Variants in PDE12 observed in about 807,000 individuals in gnomAD.
PDE12 encodes the protein 2',5'-phosphodiesterase 12.
A neutral mutation model predicts 45.4 loss-of-function variants in PDE12; 26 were observed. The observed-to-expected ratio is 0.57, with a 90% confidence interval of 0.42 to 0.79. The LOEUF is 0.79. PDE12 is among the 30% of genes least tolerant of loss of function. PDE12 has a pLI of 0.00. For synonymous variants in PDE12, 283 were observed against 323.9 expected, an observed-to-expected ratio of 0.87 and a Z score of 1.36; for missense variants, 668 against 790.0, an observed-to-expected ratio of 0.85 and a Z score of 1.85.
chr3:57,631,718 T>G, the PDE12 span, among the ~76,000 whole-genome samples: 2 of 68,570 alleles, frequency 2.9e-5, no homozygotes, highest in African/African-American at 8.2e-5. Flanking sequence ...TCTGCTCTCT[T>G]TTTTTTTTTT....
the PDE12 span, among the ~76,000 whole-genome samples, chr3:57,575,087 TG>T: frequency 6.6e-6 from 1 of 151,008 alleles, no homozygotes; most frequent in Non-Finnish European, 1.5e-5. Context: ...CGACCTCAGA[TG>T]ATCTGCTCAC....
chr3:57,575,391 T>C, the PDE12 span, among the ~76,000 whole-genome samples: 1 of 151,696 alleles, frequency 6.6e-6, no homozygotes, highest in Non-Finnish European at 1.5e-5. Flanking sequence ...AAAAATCAAA[T>C]AAGGTATTTA....
At chr3:57,624,173 C>T in the PDE12 span, among the ~76,000 whole-genome samples, 13 of 149,862 alleles carry the variant, frequency 8.7e-5, 1 homozygote, top group South Asian at 2.1e-3. Flanking sequence ...TTTTTTGAGG[C>T]GGAGTCTCGC....
chr3:57,626,445 C>G, the PDE12 span: 1 of 152,230 alleles, frequency 6.6e-6, no homozygotes, highest in African/African-American at 2.4e-5. Context: ...TGCGGTGGCT[C>G]ACACCTGTAA....
At chr3:57,577,470 A>G in the PDE12 span, 3 of 1,007,290 alleles carry the variant, frequency 3.0e-6, no homozygotes, top group Non-Finnish European at 4.6e-6. Flanking sequence ...AATGGTACCA[A>G]TGGTTAGACA....
the PDE12 span, among the ~76,000 whole-genome samples, chr3:57,612,698 G>C: frequency 6.7e-6 from 1 of 150,148 alleles, no homozygotes; most frequent in East Asian, 2.0e-4. Context: ...TTGAACCGGG[G>C]AAGTGGAGGT....
the PDE12 span, chr3:57,597,290 G>C: frequency 1.4e-6 from 1 of 703,900 alleles, no homozygotes; most frequent in Non-Finnish European, 2.4e-6. Context: ...AGTGGCCCCT[G>C]TGCCGATGAA....
At chr3:57,617,968 T>C in the PDE12 span, among the ~76,000 whole-genome samples, 2 of 151,338 alleles carry the variant, frequency 1.3e-5, no homozygotes, top group African/African-American at 2.4e-5. Context: ...AAGAACAAAA[T>C]CGAGTCCTTC....
chr3:57,645,390 G>C, the PDE12 span, among the ~76,000 whole-genome samples: 2 of 152,152 alleles, frequency 1.3e-5, no homozygotes, highest in Non-Finnish European at 2.9e-5. Flanking sequence ...GAACCCAGGA[G>C]GCAGAGGTTG....
At chr3:57,656,136 A>C in the PDE12 span, among the ~76,000 whole-genome samples, 1 of 152,242 alleles carries the variant, frequency 6.6e-6, no homozygotes, top group African/African-American at 2.4e-5. Flanking sequence ...CCAAAGATCT[A>C]GAATAGTTCC....
chr3:57,650,451 T>TACACAC, the PDE12 span, among the ~76,000 whole-genome samples: 1 of 142,472 alleles, frequency 7.0e-6, no homozygotes, highest in Non-Finnish European at 1.5e-5. Flanking sequence ...CACACATACA[T>TACACAC]ACACACACAC....
the PDE12 span, among the ~76,000 whole-genome samples, chr3:57,653,866 T>C: frequency 6.6e-6 from 1 of 150,694 alleles, no homozygotes; most frequent in Non-Finnish European, 1.5e-5. Context: ...ATATTCCCAT[T>C]CTGGCGTATC....
downstream of PDE12, among the ~76,000 whole-genome samples, chr3:57,570,166 C>T (rs1000990449): frequency 4.6e-5 from 7 of 150,974 alleles, no homozygotes; most frequent in Middle Eastern, 3.5e-3. Flanking sequence ...TAAACATACA[C>T]TTTGCCCTAC....
chr3:57,613,431 T>A, the PDE12 span, among the ~76,000 whole-genome samples: 2 of 151,264 alleles, frequency 1.3e-5, no homozygotes, highest in African/African-American at 4.9e-5. Flanking sequence ...GTAGCTGCGA[T>A]TACAAGCGCC....
the PDE12 span, among the ~76,000 whole-genome samples, chr3:57,585,845 A>T: frequency 2.6e-5 from 4 of 152,060 alleles, no homozygotes; most frequent in African/African-American, 9.7e-5. Context: ...TATTTTTAGT[A>T]GAGACGGGGT....
At chr3:57,645,337 T>G in the PDE12 span, among the ~76,000 whole-genome samples, 1 of 152,118 alleles carries the variant, frequency 6.6e-6, no homozygotes, top group African/African-American at 2.4e-5. Context: ...GGCGCATGCC[T>G]GTAATCCCAG....
the PDE12 span, among the ~76,000 whole-genome samples, chr3:57,643,851 A>T: frequency 6.6e-6 from 1 of 151,040 alleles, no homozygotes; most frequent in East Asian, 2.0e-4. Flanking sequence ...AACTGTACAG[A>T]AATAATTATC....
Position 57,558,091 on chromosome 3 carries a change from T to A in PDE12, c.1308+404T>A, listed in dbSNP as rs187415000. 7.4e-4 allele frequency among the ~76,000 whole-genome samples: 113 copies of A among 152,348 alleles called. 2 individuals carry two copies. The highest frequency in any genetic ancestry group is 2.6e-3 in the African/African-American group (108 of 41,580). The stretch of plus-strand genomic sequence containing the variant: ...TCCATAAATATAAACTAGTTTTTTT[T>A]AAATCATAGGCTCATTGAATCTTCA... On this transcript the variant is annotated intron_variant, in intron 1 of 2. Transcript: ENST00000311180.
At chr3:57,630,217 C>T in the PDE12 span, 3 of 477,180 alleles carry the variant, frequency 6.3e-6, no homozygotes, top group African/African-American at 4.1e-5. Context: ...ACACACCTAC[C>T]TCAAAGAATC....
Sources: gnomAD v4.1 joint callset for allele counts (sites outside exome capture counted in the v4.1 genomes callset) on GRCh38, gnomAD v4.1.1 for gene constraint, MANE v1.5 for transcripts, NCBI Gene and HGNC (gene_info 2026-07-23, HGNC 2026-07-21) for gene names.